MIPOL1: variants seen among roughly 807,000 people sequenced by gnomAD.
MIPOL1 encodes mirror-image polydactyly 1.
A neutral mutation model predicts 60.9 loss-of-function variants in MIPOL1; 57 were observed. That is an observed-to-expected ratio of 0.94 (90% confidence interval 0.76 to 1.17). The LOEUF is 1.17. Among genes scored for constraint, MIPOL1 ranks in the 50% most tolerant of loss-of-function variants. The pLI, the probability that MIPOL1 is intolerant of heterozygous loss-of-function variation, is 0.00. For missense variants in MIPOL1, 551 were observed against 511.6 expected, an observed-to-expected ratio of 1.08 and a Z score of -0.74; for synonymous variants, 179 against 168.8, an observed-to-expected ratio of 1.06 and a Z score of -0.47.
intron 7 of MIPOL1, among the ~76,000 whole-genome samples, chr14:37,303,657 T>C (rs925615380): frequency 1.3e-5 from 2 of 151,836 alleles, no homozygotes; most frequent in African/African-American, 4.8e-5. Context: ...AGAATGGGAA[T>C]GGGAGAAAAG....
chr14:37,499,331 C>CA (rs150140013), intron 11 of MIPOL1, among the ~76,000 whole-genome samples: 9 of 149,068 alleles, frequency 6.0e-5, no homozygotes, highest in East Asian at 1.9e-4. Flanking sequence ...ATTCATTAGC[C>CA]AAAAAAAAAT....
intron 11 of MIPOL1, among the ~76,000 whole-genome samples, chr14:37,427,108 C>T (rs1473161301): frequency 2.0e-5 from 3 of 152,118 alleles, no homozygotes; most frequent in Non-Finnish European, 4.4e-5. Context: ...AGTTACTGTA[C>T]ACCGATGTTT....
chr14:37,268,380 G>A (rs1408277800), intron 4 of MIPOL1, among the ~76,000 whole-genome samples: 2 of 152,134 alleles, frequency 1.3e-5, no homozygotes, highest in Admixed American at 6.5e-5. Context: ...GCTAAAGTCA[G>A]ATTATGAGAT....
intron 11 of MIPOL1, among the ~76,000 whole-genome samples, chr14:37,460,242 A>C (rs2094524689): frequency 6.6e-6 from 1 of 152,190 alleles, no homozygotes; most frequent in East Asian, 1.9e-4. Context: ...TTCACTACAT[A>C]AACAGAATTA....
At chr14:37,527,559 G>A (rs1207925217) in intron 12 of MIPOL1, among the ~76,000 whole-genome samples, 3 of 152,000 alleles carry the variant, frequency 2.0e-5, no homozygotes, top group Non-Finnish European at 2.9e-5. Flanking sequence ...ATCCTTCAGG[G>A]ATAGAACAAA....
chr14:37,366,635 G>A (rs1446686177), intron 9 of MIPOL1, among the ~76,000 whole-genome samples: 5 of 152,018 alleles, frequency 3.3e-5, no homozygotes, highest in African/African-American at 9.7e-5. Context: ...GCCGTTGGAC[G>A]AAATGTTCCG....
At chr14:37,335,663 A>G (rs1387182710) in intron 9 of MIPOL1, among the ~76,000 whole-genome samples, 1 of 152,070 alleles carries the variant, frequency 6.6e-6, no homozygotes, top group African/African-American at 2.4e-5. Flanking sequence ...TCATCTGCTG[A>G]TGGCCATTTA....
At chr14:37,271,628 G>A (rs1238838863) in intron 6 of MIPOL1, among the ~76,000 whole-genome samples, 1 of 151,626 alleles carries the variant, frequency 6.6e-6, no homozygotes, top group Admixed American at 6.6e-5. Context: ...AAATATGAAA[G>A]TAACATATTT....
chr14:37,266,965 A>G lies in MIPOL1; in HGVS notation c.47A>G (p.Glu16Gly), dbSNP rs1036086867. Residue 16 changes from glutamate to glycine, a missense_variant, in exon 4 of 13, where the codon GAA becomes GGA. Glu to Gly is a moderately conservative substitution (Grantham distance 98, BLOSUM62 -2). Transcript: ENST00000684589. The part of the protein sequence containing the change: ...KDITHSYLEQ[E>G]TTGINKSTQP... ...ATAACCCACAGTTATCTTGAACAAG[A>G]AACTACGGGGATAAATAAAAGTACG... 7.4e-6 allele frequency: 12 copies of G among 1,612,936 alleles called. No individual in the cohort carries two copies. Among genetic ancestry groups the G allele is most frequent in the South Asian group, 1.1e-5 (1 of 90,994 alleles).
At chr14:37,496,008 A>T (rs1435626909) in intron 11 of MIPOL1, among the ~76,000 whole-genome samples, 3 of 150,280 alleles carry the variant, frequency 2.0e-5, no homozygotes, top group East Asian at 4.0e-4. Context: ...GTTTGAGTTC[A>T]TTGTAGATTC....
intron 1 of MIPOL1, among the ~76,000 whole-genome samples, chr14:37,243,241 T>G (rs970973443): frequency 6.6e-6 from 1 of 152,198 alleles, no homozygotes; most frequent in African/African-American, 2.4e-5. Context: ...CCTGAACCTC[T>G]TCTTGCTTTT....
At chr14:37,333,801 T>A (rs2089911901) in intron 9 of MIPOL1, among the ~76,000 whole-genome samples, 1 of 152,080 alleles carries the variant, frequency 6.6e-6, no homozygotes, top group Non-Finnish European at 1.5e-5. Context: ...CTGCTGTTCT[T>A]TCTGTAATTG....
chr14:37,463,437 A>C (rs1391943871), intron 11 of MIPOL1, among the ~76,000 whole-genome samples: 2 of 152,204 alleles, frequency 1.3e-5, no homozygotes, highest in African/African-American at 4.8e-5. Flanking sequence ...CAGAACAAAG[A>C]ACCCAAAAAT....
At chr14:37,496,761 A>G (rs955820197) in intron 11 of MIPOL1, among the ~76,000 whole-genome samples, 3 of 152,166 alleles carry the variant, frequency 2.0e-5, no homozygotes, top group Non-Finnish European at 2.9e-5. Context: ...CATCCCCATC[A>G]AGCTACCAAT....
At chr14:37,290,902 C>T (rs151118949) in intron 7 of MIPOL1, among the ~76,000 whole-genome samples, 13 of 152,138 alleles carry the variant, frequency 8.5e-5, no homozygotes, top group South Asian at 2.1e-4. Flanking sequence ...TTTGTTGTTC[C>T]ACAGTATGTG....
At chr14:37,213,075 C>T (rs2139342420) in intron 1 of MIPOL1, among the ~76,000 whole-genome samples, 1 of 152,280 alleles carries the variant, frequency 6.6e-6, no homozygotes, top group South Asian at 2.1e-4. Flanking sequence ...TTTCAGATGT[C>T]TGGAAAGCCT....
intron 9 of MIPOL1, among the ~76,000 whole-genome samples, chr14:37,360,165 G>A (rs2092139838): frequency 6.6e-6 from 1 of 152,130 alleles, no homozygotes; most frequent in African/African-American, 2.4e-5. Flanking sequence ...TCCCGGGGAT[G>A]AAGCCGACTT....
intron 11 of MIPOL1, among the ~76,000 whole-genome samples, chr14:37,452,396 G>A (rs1055475512): frequency 1.3e-5 from 2 of 152,154 alleles, no homozygotes; most frequent in African/African-American, 2.4e-5. Flanking sequence ...TTCACTTGAA[G>A]TATCTTGCCA....
chr14:37,412,476 C>T (rs1403539387), intron 10 of MIPOL1, among the ~76,000 whole-genome samples: 1 of 151,902 alleles, frequency 6.6e-6, no homozygotes, highest in Non-Finnish European at 1.5e-5. Context: ...ATATACTGTA[C>T]AGCAATTATA....
Sources: allele counts gnomAD v4.1 joint callset (sites outside exome capture counted in the v4.1 genomes callset), GRCh38; gene constraint gnomAD v4.1.1; transcripts MANE v1.5; gene names NCBI Gene and HGNC (gene_info 2026-07-23, HGNC 2026-07-21).